Variants in PTPN12 observed in about 807,000 individuals in gnomAD.
The protein encoded by PTPN12 is tyrosine-protein phosphatase non-receptor type 12.
Under a neutral mutation model 97.6 loss-of-function variants are expected in PTPN12, and 29 were observed. That is an observed-to-expected ratio of 0.30 (90% CI 0.22 to 0.41). PTPN12 has a LOEUF of 0.41. Ranked by LOEUF, PTPN12 falls within the 10% of genes least tolerant of loss-of-function variation. The pLI, the probability that PTPN12 is intolerant of heterozygous loss-of-function variation, is 1.00. For synonymous variants in PTPN12, 327 were observed against 300.4 expected, an observed-to-expected ratio of 1.09 and a Z score of -0.91; for missense variants, 819 against 926.0, an observed-to-expected ratio of 0.88 and a Z score of 1.50.
chr7:77,638,148 C>T (rs990983662), intron 16 of PTPN12, among the ~76,000 whole-genome samples: 2 of 151,020 alleles, frequency 1.3e-5, no homozygotes, highest in Non-Finnish European at 2.9e-5. Flanking sequence ...TTAGTAGAGA[C>T]GGGGTTTCAC....
At chr7:77,558,159 C>T (rs1807807794) in intron 1 of PTPN12, among the ~76,000 whole-genome samples, 1 of 140,406 alleles carries the variant, frequency 7.1e-6, no homozygotes, top group African/African-American at 2.6e-5. Context: ...TGCAGTCAGC[C>T]AAGATCACGC....
At chr7:77,564,760 T>TG (rs1562715182) in intron 1 of PTPN12, among the ~76,000 whole-genome samples, 15 of 99,908 alleles carry the variant, frequency 1.5e-4, no homozygotes, top group African/African-American at 5.7e-4. Flanking sequence ...TTTTTTTTTT[T>TG]TTTTTTTTTT....
intron 1 of PTPN12, among the ~76,000 whole-genome samples, chr7:77,567,632 A>T (rs930654197): frequency 6.6e-6 from 1 of 152,182 alleles, no homozygotes; most frequent in African/African-American, 2.4e-5. Context: ...AGGCCCAGCA[A>T]TGTGGCCCTC....
rs758256032 is a variant in PTPN12, at chr7:77,612,794, G to GT, written c.939+1758dup. Among the ~76,000 whole-genome samples the GT allele has an allele frequency of 5.8e-3, 843 of 146,248 alleles. 7 individuals carry two copies. Among genetic ancestry groups the GT allele is most frequent in the African/African-American group, 0.017 (676 of 39,974 alleles). On this transcript the variant is annotated intron_variant, in intron 11 of 17. Transcript: ENST00000248594. ...GGTTTTTTTTGTTTTTTGGTTTTTG[G>GT]TTTTTTTTTTGATGACGAAGTCTCA...
intron 4 of PTPN12, among the ~76,000 whole-genome samples, chr7:77,584,181 G>A (rs1383988198): frequency 5.3e-5 from 8 of 152,196 alleles, no homozygotes; most frequent in Non-Finnish European, 1.2e-4. Flanking sequence ...CTGCTCTGTA[G>A]TATTCTTGAA....
rs368653341 is a variant in PTPN12 at position 77,621,098 on chromosome 7, TTTTA to T, written c.1025+2554_1025+2557del. Among the ~76,000 whole-genome samples, 225 of 151,686 alleles carry T rather than the reference TTTTA, an allele frequency of 1.5e-3. 1 individual carries two copies. In the East Asian group the frequency reaches 0.036, roughly 24 times the overall value. Reference sequence around the variant, plus strand: ...AATATGTGTTGTGTGTATATTTCATTTTTATTTATTTATTTATTTATTTACTTTT... The same window carrying T: ...AATATGTGTTGTGTGTATATTTCATTTTTATTTATTTATTTATTTACTTTT... On this transcript the variant is annotated intron_variant, in intron 12 of 17. Transcript: ENST00000248594.
At chr7:77,546,241 A>C (rs1401958373) in intron 1 of PTPN12, among the ~76,000 whole-genome samples, 7 of 152,204 alleles carry the variant, frequency 4.6e-5, no homozygotes, top group Non-Finnish European at 8.8e-5. Flanking sequence ...TCAGAAGCAA[A>C]AATGTGATTA....
intron 11 of PTPN12, among the ~76,000 whole-genome samples, chr7:77,613,229 C>T (rs1341363475): frequency 1.7e-5 from 2 of 119,398 alleles, no homozygotes; most frequent in African/African-American, 6.7e-5. Flanking sequence ...GAATGGAGTG[C>T]AGTAGCACAG....
chr7:77,545,076 C>T (rs1353094138), intron 1 of PTPN12, among the ~76,000 whole-genome samples: 10 of 152,310 alleles, frequency 6.6e-5, no homozygotes, highest in African/African-American at 2.4e-4. Flanking sequence ...TGTATTTGTG[C>T]ATCCCACACC....
chr7:77,545,618 T>G (rs1275279357), intron 1 of PTPN12: 1 of 151,002 alleles, frequency 6.6e-6, no homozygotes, highest in Non-Finnish European at 1.5e-5. Context: ...ATATATATAG[T>G]TTTTTTTAAT....
At chr7:77,635,908 A>G in intron 15 of PTPN12, 59 bp downstream of exon 15, 1 of 1,155,850 alleles carries the variant, frequency 8.7e-7, no homozygotes, top group Non-Finnish European at 1.2e-6. Flanking sequence ...TTTGTTAACT[A>G]ATCTTGCAGT....
intron 1 of PTPN12, among the ~76,000 whole-genome samples, chr7:77,538,427 C>T (rs578119571): frequency 4.3e-4 from 64 of 149,494 alleles, no homozygotes; most frequent in African/African-American, 1.6e-3. Flanking sequence ...ATGTGACTAT[C>T]ACTTCCTATC....
At chr7:77,625,472 G>GCGCT (rs1554326597) in intron 12 of PTPN12, among the ~76,000 whole-genome samples, 3 of 33,522 alleles carry the variant, frequency 8.9e-5, no homozygotes, top group African/African-American at 1.3e-4. Context: ...CAGGCTGCTC[G>GCGCT]CTCTCTCTCT....
At chr7:77,580,267 G>T (rs746819936) in intron 2 of PTPN12, among the ~76,000 whole-genome samples, 1 of 152,182 alleles carries the variant, frequency 6.6e-6, no homozygotes, top group African/African-American at 2.4e-5. Flanking sequence ...TTTTAGGTTC[G>T]AATGAGCTAT....
At position 77,599,509 on chromosome 7, in the gene PTPN12, C is replaced by G. The variant is rs1788127373; in HGVS notation, c.553-1155C>G. On this transcript the variant is annotated intron_variant, in intron 7 of 17. Coordinates refer to ENST00000248594, the MANE Select transcript of PTPN12 (RefSeq NM_002835.4). ...CTTGCCATGTTGCTCAGGCTGCTGT[C>G]AAATTCCTGGCCTTGAGTGATCTTG... is the stretch of plus-strand genomic sequence containing the variant. 2.6e-5 allele frequency among the ~76,000 whole-genome samples: 4 copies of G among 152,228 alleles called. No homozygotes were observed. In the South Asian group the frequency reaches 8.3e-4, roughly 32 times the overall value.
At chr7:77,539,987 G>GT (rs771743834) in intron 1 of PTPN12, among the ~76,000 whole-genome samples, 6 of 152,038 alleles carry the variant, frequency 3.9e-5, no homozygotes, top group South Asian at 2.1e-4. Flanking sequence ...CCTAAAACTA[G>GT]TTTTTTACCG....
chr7:77,542,008 G>C (rs1806998561), intron 1 of PTPN12, among the ~76,000 whole-genome samples: 1 of 69,110 alleles, frequency 1.4e-5, no homozygotes, highest in African/African-American at 1.3e-4. Flanking sequence ...GACAGACCTA[G>C]GTTTTAACTC....
chr7:77,627,918 T>C (rs986122213), intron 13 of PTPN12, among the ~76,000 whole-genome samples: 6 of 152,210 alleles, frequency 3.9e-5, no homozygotes, highest in Admixed American at 1.3e-4. Flanking sequence ...GGATAACTTA[T>C]TTTCTTTTTC....
chr7:77,622,740 C>T (rs1158940313), intron 12 of PTPN12, among the ~76,000 whole-genome samples: 1 of 150,912 alleles, frequency 6.6e-6, no homozygotes, highest in African/African-American at 2.4e-5. Flanking sequence ...CACTGCTCTC[C>T]AGCCTGGGCA....
Sources: allele counts gnomAD v4.1 joint callset (sites outside exome capture counted in the v4.1 genomes callset), GRCh38; gene constraint gnomAD v4.1.1; transcripts MANE v1.5; gene names NCBI Gene and HGNC (gene_info 2026-07-23, HGNC 2026-07-21).